Variants in NDUFAF6 observed in about 807,000 individuals in gnomAD.
The protein encoded by NDUFAF6 is NADH:ubiquinone oxidoreductase complex assembly factor 6, also known as NADH dehydrogenase (ubiquinone) complex I, assembly factor 6.
NDUFAF6 carries 45 observed loss-of-function variants against 40.8 expected under a neutral mutation model. That is an observed-to-expected ratio of 1.10 (90% CI 0.87 to 1.42). The LOEUF is 1.42. NDUFAF6 is among the 40% of genes most tolerant of loss of function. NDUFAF6 has a pLI of 0.00. For synonymous variants in NDUFAF6, 185 were observed against 155.9 expected (o/e 1.19, Z -1.39); for missense variants, 435 against 418.5 (o/e 1.04, Z -0.34).
At chr8:95,020,062 G>C (rs1056083855), upstream of NDUFAF6, among the ~76,000 whole-genome samples, 1 of 152,138 alleles carries the variant, frequency 6.6e-6, no homozygotes, top group African/African-American at 2.4e-5. Flanking sequence ...AGCTGGGTGT[G>C]GTGGTGGGTG....
At chr8:95,049,337 C>T (rs1831176340) in intron 7 of NDUFAF6, among the ~76,000 whole-genome samples, 1 of 152,162 alleles carries the variant, frequency 6.6e-6, no homozygotes, top group Admixed American at 6.5e-5. Context: ...TAGTTGTTCC[C>T]TAAGAGTTGG....
chr8:95,075,424 A>G (rs1008236136), intron 9 of NDUFAF6, among the ~76,000 whole-genome samples: 12 of 152,246 alleles, frequency 7.9e-5, no homozygotes, highest in Non-Finnish European at 1.5e-4. Context: ...CCAAATACAC[A>G]GTCTCAAAAT....
At chr8:94,935,355 A>G (rs1246911001) in intron 1 of NDUFAF6, among the ~76,000 whole-genome samples, 1 of 152,194 alleles carries the variant, frequency 6.6e-6, no homozygotes, top group Non-Finnish European at 1.5e-5. Context: ...GAACAGTGTG[A>G]CTTTCAGCTA....
rs1048938026 is a variant in NDUFAF6 at position 95,016,253 on chromosome 8, A to G, written c.-83-15742A>G. ...ATTTCATGTTGACAATATGTCTTCA[A>G]TTGTTTTGCAATCTTTTAACATTTC... On this transcript the variant is annotated intron_variant, in intron 2 of 9. Transcript: ENST00000396111. Among the ~76,000 whole-genome samples the G allele has an allele frequency of 5.3e-5, 8 of 152,372 alleles. No individual in the cohort carries two copies. In the South Asian group the frequency reaches 1.2e-3, roughly 24 times the overall value.
chr8:94,911,000 T>TA lies in NDUFAF6; in HGVS notation c.-936+15076dup, dbSNP rs1818744816. Among the ~76,000 whole-genome samples, 4 of 152,310 alleles carry TA rather than the reference T, an allele frequency of 2.6e-5. No individual in the cohort carries two copies. The South Asian group carries it at 8.3e-4, about 32-fold the overall frequency. ...GCAGAGTGATGTTAATGGAAAATGT[T>TA]AAAGTAAGATCTTACTTTGGAGAAA... On this transcript the variant is annotated intron_variant, in intron 1 of 14. Transcript: ENST00000396113.
chr8:94,964,936 G>T (rs958912627), intron 1 of NDUFAF6, among the ~76,000 whole-genome samples: 3 of 152,236 alleles, frequency 2.0e-5, no homozygotes, highest in African/African-American at 7.2e-5. Context: ...ATGGGCGCCA[G>T]AGATGTCTCT....
intron 2 of NDUFAF6, among the ~76,000 whole-genome samples, chr8:95,032,692 A>G (rs946154300): frequency 6.6e-6 from 1 of 152,220 alleles, no homozygotes; most frequent in Admixed American, 6.5e-5. Flanking sequence ...CTCAGTAATA[A>G]ATTGAGAGGT....
chr8:95,026,122 A>C lies in NDUFAF6; in HGVS notation c.197+917A>C, dbSNP rs1328377290. ...TTTTAATTCCATTTTAGAGAAAAGC[A>C]GCATAACACAACAAAATGCATGCAT... On this transcript the variant is annotated intron_variant, in intron 1 of 8. Coordinates refer to ENST00000396124, the MANE Select transcript of NDUFAF6 (RefSeq NM_152416.4). Among the ~76,000 whole-genome samples the C allele has an allele frequency of 2.0e-5, 3 of 152,198 alleles. No individual in the cohort carries two copies. The East Asian group carries it at 5.8e-4, about 29-fold the overall frequency.
intron 2 of NDUFAF6, among the ~76,000 whole-genome samples, chr8:95,085,171 G>C (rs774664872): frequency 7.9e-5 from 12 of 152,208 alleles, no homozygotes; most frequent in Non-Finnish European, 1.6e-4. Flanking sequence ...TTCAAGGATA[G>C]GCCCTAACAG....
chr8:95,023,581 G>A (rs887122040), upstream of NDUFAF6, among the ~76,000 whole-genome samples: 2 of 152,210 alleles, frequency 1.3e-5, no homozygotes, highest in Non-Finnish European at 2.9e-5. Flanking sequence ...AGCAAGAAAA[G>A]TCTAGGCAAA....
At chr8:94,936,116 C>G (rs1341546925) in intron 1 of NDUFAF6, among the ~76,000 whole-genome samples, 1 of 152,158 alleles carries the variant, frequency 6.6e-6, no homozygotes, top group Non-Finnish European at 1.5e-5. Context: ...TAGAGAATTT[C>G]CACATGAGAG....
chr8:94,903,630 G>C (rs1397074430), intron 1 of NDUFAF6, among the ~76,000 whole-genome samples: 3 of 152,154 alleles, frequency 2.0e-5, no homozygotes, highest in Admixed American at 1.3e-4. Flanking sequence ...TTGGGTTCGG[G>C]GGGAGTTTAT....
rs549511377 is a variant in NDUFAF6, at chr8:94,905,308, G to A, written c.-936+9381G>A. On this transcript the variant is annotated intron_variant, in intron 1 of 14. Transcript: ENST00000396113. ...TTCAGGTTTTTTTTTTTTTTTCTGG[G>A]AGAACCTTTTGTGGATTTTAAAAAT... is the stretch of plus-strand genomic sequence containing the variant. Among the ~76,000 whole-genome samples the A allele has an allele frequency of 1.5e-4, 23 of 149,008 alleles. 1 individual carries two copies. In the East Asian group the frequency reaches 4.5e-3, roughly 29 times the overall value.
intron 4 of NDUFAF6, among the ~76,000 whole-genome samples, chr8:95,111,183 G>C (rs975689918): frequency 2.0e-5 from 3 of 152,166 alleles, no homozygotes; most frequent in Non-Finnish European, 4.4e-5. Flanking sequence ...ATGAAGCAGA[G>C]AGGAATGAGA....
intron 1 of NDUFAF6, among the ~76,000 whole-genome samples, chr8:95,029,695 A>C (rs1828607316): frequency 6.6e-6 from 1 of 152,216 alleles, no homozygotes; most frequent in African/African-American, 2.4e-5. Context: ...TTTGAAGAGA[A>C]TAGGCCAGTT....
rs1426612580 is a variant in NDUFAF6, at chr8:94,973,723, A to C, written c.-198-7136A>C. Among the ~76,000 whole-genome samples, 3 of 151,152 alleles carry C rather than the reference A, an allele frequency of 2.0e-5. No individual in the cohort carries two copies. In the East Asian group the frequency reaches 5.8e-4, roughly 29 times the overall value. On this transcript the variant is annotated intron_variant, in intron 1 of 9. Coordinates refer to the NDUFAF6 transcript ENST00000396111. The stretch of plus-strand genomic sequence containing the variant: ...GACTCTGTCTCAAAAAAAAAAAAAA[A>C]AGAAAGTGACCTTTGGCCAGACGTG...
intron 1 of NDUFAF6, among the ~76,000 whole-genome samples, chr8:94,933,283 C>T (rs1820609194): frequency 1.3e-5 from 2 of 152,144 alleles, no homozygotes; most frequent in African/African-American, 4.8e-5. Flanking sequence ...ATTTGTTTTA[C>T]TATCCCTATA....
intron 1 of NDUFAF6, among the ~76,000 whole-genome samples, chr8:94,962,616 G>GT (rs1289805308): frequency 0.041 from 4,035 of 97,614 alleles, 174 homozygotes; most frequent in African/African-American, 0.12. Context: ...TTTGTTTTTT[G>GT]TTTTTTTTTT....
At chr8:94,897,675 G>A (rs1199310330) in intron 1 of NDUFAF6, among the ~76,000 whole-genome samples, 1 of 148,798 alleles carries the variant, frequency 6.7e-6, no homozygotes, top group Non-Finnish European at 1.5e-5. Context: ...AAAAAATTCA[G>A]GCTTAGCCCA....
Sources: gnomAD v4.1 joint callset for allele counts (sites outside exome capture counted in the v4.1 genomes callset) on GRCh38, gnomAD v4.1.1 for gene constraint, MANE v1.5 for transcripts, NCBI Gene and HGNC (gene_info 2026-07-23, HGNC 2026-07-21) for gene names.